CYP26B1: variants seen among roughly 807,000 people sequenced by gnomAD.
CYP26B1 encodes cytochrome P450 family 26 subfamily B member 1.
In CYP26B1, 8 loss-of-function variants were observed where a neutral mutation model predicts 39.1. The ratio of observed to expected loss-of-function variants is 0.20; its 90% CI spans 0.12 to 0.37. The LOEUF is 0.37. Among genes scored for constraint, CYP26B1 ranks in the 10% least tolerant of loss-of-function variants. The pLI is 1.00. For synonymous variants in CYP26B1, 321 were observed against 314.3 expected (o/e 1.02, Z -0.23); for missense variants, 615 against 707.0 (o/e 0.87, Z 1.48).
In CYP26B1 at chr2:72,131,435, C is replaced by T. The variant is rs942696493; in HGVS notation, c.*792G>A. 2 of 152,304 alleles carry T rather than the reference C, an allele frequency of 1.3e-5. No individual in the cohort carries two copies. Among genetic ancestry groups the T allele is most frequent in the Admixed American group, 6.5e-5 (1 of 15,286 alleles). 9.4% of individuals were successfully genotyped at this position (152,304 alleles called of 1,614,324 possible). A position where few individuals can be genotyped will look rare whatever the true frequency, so the allele number is the denominator to read the frequency against. ...AGATGTTCACTCCAGACCCCAGCAT[C>T]CCCAAGATTCTCTATCAGTGAATAA... On this transcript the variant is annotated 3_prime_UTR_variant, in exon 6 of 6. Coordinates refer to ENST00000001146, the MANE Select transcript of CYP26B1 (RefSeq NM_019885.4).
intron 2 of CYP26B1, among the ~76,000 whole-genome samples, chr2:72,139,337 G>A (rs1446695165): frequency 6.6e-6 from 1 of 152,202 alleles, no homozygotes; most frequent in Non-Finnish European, 1.5e-5. Context: ...AAGCAAGGGG[G>A]GTAAGAGAGG....
rs780859637 is a variant in CYP26B1, at chr2:72,133,029, C to T, written c.1140G>A (p.Glu380=). The stretch of plus-strand genomic sequence containing the variant: ...GCCACGGGCCCAGCCTCACATCAAG[C>T]TCGAAGGTCTGCAGCACAGTGCGGT... ...GGYRTVLQTF[E]LDGFQIPKGW... is the part of the protein sequence containing the mutation. The change falls in exon 5 of 6, where the codon GAG becomes GAA. Residue 380 remains glutamate (E), a synonymous_variant. Transcript: ENST00000001146. The T allele has an allele frequency of 6.2e-7, 1 of 1,613,236 alleles. No individual in the cohort carries two copies. The highest frequency in any genetic ancestry group is 1.1e-5 in the South Asian group (1 of 91,092).
At position 72,135,278 on chromosome 2, in the gene CYP26B1, G is replaced by A. The variant is rs200044057; in HGVS notation, c.571C>T (p.Arg191Cys). ...CCCAGCAGCACCCGGATGGCCATGC[G>A]GAAGGTCAGCTTCTGCGCCTCCTGG... ...VYQEAQKLTF[R>C]MAIRVLLGFS... is the part of the protein sequence containing the mutation. The change falls in exon 3 of 6, where the codon CGC (arginine) becomes TGC (cysteine). Residue 191 changes from arginine (R) to cysteine (C), a missense_variant. Transcript: ENST00000001146. The A allele has an allele frequency of 1.9e-4, 309 of 1,614,086 alleles. 2 individuals are homozygous for A. The highest frequency in any genetic ancestry group is 1.7e-3 in the Middle Eastern group (10 of 6,060).
chr2:72,133,644 G>A (rs1033040571), intron 4 of CYP26B1, among the ~76,000 whole-genome samples: 5 of 152,254 alleles, frequency 3.3e-5, no homozygotes, highest in Non-Finnish European at 7.3e-5. Context: ...GCTCACAGGA[G>A]AAAAAGAACA....
intron 2 of CYP26B1, among the ~76,000 whole-genome samples, chr2:72,137,660 G>C (rs758021446): frequency 2.0e-5 from 3 of 152,222 alleles, no homozygotes; most frequent in Admixed American, 6.5e-5. Flanking sequence ...AGCGATGGCT[G>C]GTTGAACTGC....
chr2:72,132,932 A>G, intron 5 of CYP26B1, 91 bp downstream of exon 5: 1 of 1,582,222 alleles, frequency 6.3e-7, no homozygotes, highest in Non-Finnish European at 8.6e-7. Context: ...TCAGGCCTGA[A>G]GTCCCTGAAA....
chr2:72,136,871 T>C (rs1676794300), intron 2 of CYP26B1, among the ~76,000 whole-genome samples: 1 of 152,098 alleles, frequency 6.6e-6, no homozygotes, highest in African/African-American at 2.4e-5. Context: ...GGGCACTTCT[T>C]CTAGAGACCA....
intron 1 of CYP26B1, 78 bp from the exon 2 acceptor site, chr2:72,144,291 C>T (rs1677050846): frequency 6.5e-7 from 1 of 1,543,500 alleles, no homozygotes; most frequent in Non-Finnish European, 8.8e-7. Context: ...CGGACCCCAA[C>T]CCGGGGTACA....
At chr2:72,137,127 T>C (rs910653116) in intron 2 of CYP26B1, among the ~76,000 whole-genome samples, 3 of 152,004 alleles carry the variant, frequency 2.0e-5, no homozygotes, top group Non-Finnish European at 2.9e-5. Context: ...GAGTGCAGGG[T>C]AGGGGCTGGC....
At position 72,133,224 on chromosome 2, in the gene CYP26B1, G is replaced by A; in HGVS notation, c.945C>T (p.His315=). 6.2e-7 allele frequency: 1 copy of A among 1,612,358 alleles called. No homozygotes were observed. Among genetic ancestry groups the A allele is most frequent in the Non-Finnish European group, 8.5e-7 (1 of 1,179,750 alleles). The change falls in exon 5 of 6, where the codon CAC becomes CAT. Residue 315 remains histidine (H), a synonymous_variant. Coordinates refer to ENST00000001146, the MANE Select transcript of CYP26B1 (RefSeq NM_019885.4). ...STSLIMQLLK[H]PTVLEKLRDE... ...CCCGCAGCTTCTCCAGCACAGTGGG[G>A]TGCTTCAGCAGCTGCATGATGAGTG...
intron 2 of CYP26B1, among the ~76,000 whole-genome samples, chr2:72,139,168 G>A (rs969492027): frequency 6.6e-6 from 1 of 152,146 alleles, no homozygotes; most frequent in African/African-American, 2.4e-5. Context: ...AGACTGGGAG[G>A]AATGGAAGCG....
chr2:72,136,264 G>C (rs1676771744), intron 2 of CYP26B1, among the ~76,000 whole-genome samples: 1 of 152,208 alleles, frequency 6.6e-6, no homozygotes, highest in Admixed American at 6.5e-5. Context: ...CAAAGGCTGG[G>C]AGGGGAGGGA....
chr2:72,134,670 T>C lies in CYP26B1; in HGVS notation c.861+91A>G. ...ATGTGTGGGGCCAGACTACAGGGGG[T>C]AGAAATGGCTGGGCACATTTCCACC... is the stretch of plus-strand genomic sequence containing the variant. On this transcript the variant is annotated intron_variant, in intron 4 of 5. Transcript: ENST00000001146. 7 of 1,537,994 alleles carry C rather than the reference T, an allele frequency of 4.6e-6. No individual in the cohort carries two copies. In the South Asian group the frequency reaches 8.3e-5, roughly 18 times the overall value.
rs1220667915 is a variant in CYP26B1, at chr2:72,147,523, G to A, written c.204+108C>T. ...GAGAGGAGGGAAGGGGCGGGGCGGG[G>A]ACCAGTGCCTTCAGGCTCCCGGCGC... On this transcript the variant is annotated intron_variant, in intron 1 of 5. Transcript: ENST00000001146. This position sits in a 1 kb window ranked among gnomAD's most constrained non-coding sequence, Gnocchi z 6.1. The A allele has an allele frequency of 1.8e-6, 2 of 1,123,126 alleles. No homozygotes were observed. Among genetic ancestry groups the A allele is most frequent in the Admixed American group, 5.6e-5 (2 of 35,642 alleles). 69.6% of individuals were successfully genotyped at this position (1,123,126 alleles called of 1,614,324 possible). A position where few individuals can be genotyped will look rare whatever the true frequency, so the allele number is the denominator to read the frequency against.
At chr2:72,145,759 A>G (rs949956766) in intron 1 of CYP26B1, among the ~76,000 whole-genome samples, 1 of 151,326 alleles carries the variant, frequency 6.6e-6, no homozygotes, top group Non-Finnish European at 1.5e-5. Context: ...TTTTTGTGGC[A>G]TTAATAAAGA....
rs535876169 is a variant in CYP26B1 at position 72,138,857 on chromosome 2, A to T, written c.430-3438T>A. On this transcript the variant is annotated intron_variant, in intron 2 of 5. Transcript: ENST00000001146. Reference sequence around the variant, plus strand: ...CACCCTTGGTTCTCTCCCTCCCTCCAGAGTGGGAGCTGATCCCACAAGGGT... The same window carrying T: ...CACCCTTGGTTCTCTCCCTCCCTCCTGAGTGGGAGCTGATCCCACAAGGGT... Among the ~76,000 whole-genome samples the T allele has an allele frequency of 9.8e-5, 15 of 152,300 alleles. 1 individual carries two copies. The highest frequency in any genetic ancestry group is 3.6e-4 in the African/African-American group (15 of 41,580).
chr2:72,134,535 T>A (rs1676698154), intron 4 of CYP26B1, among the ~76,000 whole-genome samples: 1 of 152,134 alleles, frequency 6.6e-6, no homozygotes, highest in African/African-American at 2.4e-5. Context: ...CTGAGCTCCC[T>A]GCAGGCCATG....
chr2:72,132,181 C>T lies in CYP26B1; in HGVS notation c.*46G>A, dbSNP rs1189134422. The T allele has an allele frequency of 7.6e-6, 12 of 1,568,950 alleles. No homozygotes were observed. Among genetic ancestry groups the T allele is most frequent in the Non-Finnish European group, 9.5e-6 (11 of 1,157,188 alleles). On this transcript the variant is annotated 3_prime_UTR_variant, in exon 6 of 6. Coordinates refer to ENST00000001146, the MANE Select transcript of CYP26B1 (RefSeq NM_019885.4). Reference sequence around the variant, plus strand: ...ACACACAGGTTTCTACCTCCCACAACCACCACCCCGCTGCCTGGGCTGGGC... The same window carrying T: ...ACACACAGGTTTCTACCTCCCACAATCACCACCCCGCTGCCTGGGCTGGGC...
chr2:72,134,991 C>G, intron 3 of CYP26B1, 75 bp from the exon 4 acceptor site: 1 of 1,603,954 alleles, frequency 6.2e-7, no homozygotes, highest in Non-Finnish European at 8.5e-7. Context: ...AGGGACGACT[C>G]CAGCCTCCTC....
Sources: allele counts gnomAD v4.1 joint callset (sites outside exome capture counted in the v4.1 genomes callset), GRCh38; gene constraint gnomAD v4.1.1; non-coding constraint Gnocchi (gnomAD v3.1); transcripts MANE v1.5; gene names NCBI Gene and HGNC (gene_info 2026-07-23, HGNC 2026-07-21).